ZBTB48: variants seen among roughly 807,000 people sequenced by gnomAD.
ZBTB48 encodes the protein zinc finger and BTB domain containing 48, also known as zinc finger and BTB domain-containing protein 48.
A neutral mutation model predicts 64.5 loss-of-function variants in ZBTB48; 35 were observed. The observed-to-expected ratio is 0.54, with a 90% CI of 0.41 to 0.72. ZBTB48 has a LOEUF of 0.72. ZBTB48 is among the 30% of genes least tolerant of loss of function. ZBTB48 has a pLI of 0.00. For missense variants in ZBTB48, 828 were observed against 895.3 expected (o/e 0.92, Z 0.96); for synonymous variants, 442 against 356.7 (o/e 1.24, Z -2.70).
At position 6,587,641 on chromosome 1, in the gene ZBTB48, C is replaced by T. The variant is rs767664991; in HGVS notation, c.1379+9C>T. 10 of 1,611,946 alleles carry T rather than the reference C, an allele frequency of 6.2e-6. No individual in the cohort carries two copies. Among genetic ancestry groups the T allele is most frequent in the Admixed American group, 1.7e-5 (1 of 60,004 alleles). On this transcript the variant is annotated intron_variant, in intron 7 of 10. Transcript: ENST00000377674. ...ATCAAGGCCAAGCACAGGTGCGTGT[C>T]GCCCGTTCTCTCTTGGGGCCCAGTC...
rs989812691 is a variant in ZBTB48 at position 6,583,627 on chromosome 1, G to C, written c.932+1328G>C. ...TATTTTTTTTTTTTTTTTTGAGACA[G>C]TCTCACTGTGTCGCCCAGGTTGGAG... On this transcript the variant is annotated intron_variant, in intron 3 of 10. Coordinates refer to ENST00000377674, the MANE Select transcript of ZBTB48 (RefSeq NM_005341.4). Among the ~76,000 whole-genome samples the C allele has an allele frequency of 5.6e-5, 8 of 141,848 alleles. No homozygotes were observed. The East Asian group carries it at 8.4e-4, about 15-fold the overall frequency. 93.1% of individuals were successfully genotyped at this position (141,848 alleles called of 152,430 possible). A position where few individuals can be genotyped will look rare whatever the true frequency, so the allele number is the denominator to read the frequency against.
chr1:6,587,819 A>G (rs1269465441), intron 7 of ZBTB48, among the ~76,000 whole-genome samples, 187 bp downstream of exon 7: 2 of 152,168 alleles, frequency 1.3e-5, no homozygotes, highest in Non-Finnish European at 2.9e-5. Flanking sequence ...CCAGGCAGAG[A>G]GGCTGGGGGC....
chr1:6,585,974 C>T lies in ZBTB48; in HGVS notation c.988C>T (p.Arg330Trp), dbSNP rs1314408904. Residue 330 changes from arginine (R) to tryptophan (W), a missense_variant, in exon 4 of 11, where the codon CGG becomes TGG. Coordinates refer to ENST00000377674, the MANE Select transcript of ZBTB48 (RefSeq NM_005341.4). ...TCCCAAATGTGGGAAGTGTTACTTTCGGAAGGAGAACCTCCTGGAGCATGA... is the reference window on the plus strand; with the variant it reads ...TCCCAAATGTGGGAAGTGTTACTTTTGGAAGGAGAACCTCCTGGAGCATGA... ...ECPKCGKCYF[R>W]KENLLEHEAR... The T allele has an allele frequency of 1.2e-5, 20 of 1,614,004 alleles. No homozygotes were observed. Among genetic ancestry groups the T allele is most frequent in the Non-Finnish European group, 1.6e-5 (19 of 1,179,982 alleles).
In ZBTB48 at chr1:6,580,627, C is replaced by T. The variant is rs569028932; in HGVS notation, c.18C>T (p.Val6=). 9.4e-5 allele frequency: 152 copies of T among 1,613,474 alleles called. No individual in the cohort carries two copies. In the East Asian group the frequency reaches 2.9e-3, roughly 31 times the overall value. Residue 6 remains valine, a synonymous_variant, in exon 2 of 11, where the codon GTC becomes GTT. Transcript: ENST00000377674. The surrounding 1 kb of genome is among the most constrained non-coding windows in gnomAD (Gnocchi z 5.2). MDGSF[V]QHSVRVLQEL... is the part of the protein sequence containing the mutation. ...TCCAGACCATGGACGGCTCCTTCGT[C>T]CAGCACAGTGTGAGGGTTCTGCAGG...
At position 6,580,901 on chromosome 1, in the gene ZBTB48, G is replaced by C. The variant is rs780694553; in HGVS notation, c.292G>C (p.Ala98Pro). Residue 98 changes from alanine (A) to proline (P), a missense_variant, in exon 2 of 11, where the codon GCA becomes CCA. Transcript: ENST00000377674. The surrounding 1 kb of genome is among the most constrained non-coding windows in gnomAD (Gnocchi z 5.2). ...AGGGAACCGGGATCAGGTGCTCCTG[G>C]CAGCCAGGGAGTTGCGAGTGCCAGA... ...TSGNRDQVLL[A>P]ARELRVPEAV... 6.2e-7 allele frequency: 1 copy of C among 1,614,116 alleles called. No homozygotes were observed. Among genetic ancestry groups the C allele is most frequent in the Non-Finnish European group, 8.5e-7 (1 of 1,180,050 alleles).
In ZBTB48 at chr1:6,586,803, T is replaced by C. The variant is rs1280387159; in HGVS notation, c.1137+16T>C. 3 of 1,606,604 alleles carry C rather than the reference T, an allele frequency of 1.9e-6. No individual in the cohort carries two copies. Among genetic ancestry groups the C allele is most frequent in the Admixed American group, 1.7e-5 (1 of 59,240 alleles). On this transcript the variant is annotated intron_variant, in intron 5 of 10. Coordinates refer to ENST00000377674, the MANE Select transcript of ZBTB48 (RefSeq NM_005341.4). The stretch of plus-strand genomic sequence containing the variant: ...GCCCTACAAGGTCAGGCTTGGCCTG[T>C]CTCCAGGGCCAGGGTTGGGTGGCCC...
Position 6,585,939 on chromosome 1 carries a change from C to A in ZBTB48, c.953C>A (p.Pro318His), listed in dbSNP as rs750292577. The A allele has an allele frequency of 6.2e-6, 10 of 1,614,094 alleles. No homozygotes were observed. Among genetic ancestry groups the A allele is most frequent in the Admixed American group, 3.3e-5 (2 of 60,016 alleles). Reference sequence around the variant, plus strand: ...GGCAGGAAACATACTGGGGAGAAACCCTTTGAGTGTCCCAAATGTGGGAAG... The same window carrying A: ...GGCAGGAAACATACTGGGGAGAAACACTTTGAGTGTCCCAAATGTGGGAAG... ...VHNRKHTGEKPFECPKCGKCY... is the reference protein window; with the variant it reads ...VHNRKHTGEKHFECPKCGKCY... The change falls in exon 4 of 11, where the codon CCC becomes CAC. Residue 318 changes from proline to histidine, a missense_variant. Coordinates refer to ENST00000377674, the MANE Select transcript of ZBTB48 (RefSeq NM_005341.4).
chr1:6,580,522 TTC>T lies in ZBTB48; in HGVS notation c.-69-11_-69-10del. ...ATTTGAGTAGAGGCCAACTTCCCGT[TTC>T]TCTCTCTTGACTCCAGGAGCTTTCT... On this transcript the variant is annotated splice_polypyrimidine_tract_variant and intron_variant, in intron 1 of 10. Transcript: ENST00000377674. The surrounding 1 kb of genome is among the most constrained non-coding windows in gnomAD (Gnocchi z 5.2). The T allele has an allele frequency of 1.4e-6, 2 of 1,400,826 alleles. No homozygotes were observed. Among genetic ancestry groups the T allele is most frequent in the Non-Finnish European group, 9.7e-7 (1 of 1,031,298 alleles). 86.8% of individuals were successfully genotyped at this position (1,400,826 alleles called of 1,614,324 possible). A position where few individuals can be genotyped will look rare whatever the true frequency, so the allele number is the denominator to read the frequency against.
chr1:6,581,192 C>G lies in ZBTB48; in HGVS notation c.583C>G (p.Gln195Glu), dbSNP rs376572824. 6.2e-7 allele frequency: 1 copy of G among 1,613,338 alleles called. No homozygotes were observed. The change falls in exon 2 of 11, where the codon CAG (glutamine) becomes GAG (glutamate). Residue 195 changes from glutamine (Q) to glutamate (E), a missense_variant. Transcript: ENST00000377674. ...CTCCTCCCTCTGTGGGAAACTGAAG[C>G]AGGCCTTGAAGCCTTGTCCCCTTGA... is the stretch of plus-strand genomic sequence containing the variant. ...GPSSLCGKLK[Q>E]ALKPCPLEDK...
chr1:6,586,604 TC>T, intron 4 of ZBTB48, 90 bp from the exon 5 acceptor site: 2 of 1,432,610 alleles, frequency 1.4e-6, no homozygotes, highest in Non-Finnish European at 1.8e-6. Context: ...GGCAGACTCT[TC>T]CCAGCAGCAA....
rs1557426935 is a variant in ZBTB48, at chr1:6,588,301, A to G, written c.1540A>G (p.Thr514Ala). The change falls in exon 9 of 11, where the codon ACC becomes GCC. Residue 514 changes from threonine to alanine, a missense_variant. Transcript: ENST00000377674. ...TQASLDKHNRTHTGERPFSCE... is the reference protein window; with the variant it reads ...TQASLDKHNRAHTGERPFSCE... ...AGCCAGCCTGGACAAGCACAACCGC[A>G]CCCACACCGGGGAAAGGCCCTTCAG... is the stretch of plus-strand genomic sequence containing the variant. The G allele has an allele frequency of 6.2e-7, 1 of 1,608,002 alleles. No homozygotes were observed. The highest frequency in any genetic ancestry group is 8.5e-7 in the Non-Finnish European group (1 of 1,175,498).
chr1:6,582,496 C>T (rs1640509037), intron 3 of ZBTB48, among the ~76,000 whole-genome samples, 197 bp downstream of exon 3: 1 of 152,190 alleles, frequency 6.6e-6, no homozygotes, highest in South Asian at 2.1e-4. Flanking sequence ...CCTTGCTGTC[C>T]TGTGAGTACT....
chr1:6,586,075 C>A (rs1640654861), intron 4 of ZBTB48, 45 bp downstream of exon 4: 1 of 1,589,532 alleles, frequency 6.3e-7, no homozygotes, highest in Non-Finnish European at 8.6e-7. Context: ...GGCACACTGG[C>A]CTCTCTGTCT....
chr1:6,583,904 T>C (rs372413581), intron 3 of ZBTB48, among the ~76,000 whole-genome samples: 10 of 150,800 alleles, frequency 6.6e-5, no homozygotes, highest in African/African-American at 2.4e-4. Flanking sequence ...CTCAGCCTCC[T>C]GAGTAGCTGG....
In ZBTB48 at chr1:6,586,116, T is replaced by C. The variant is rs1349173807; in HGVS notation, c.1044+86T>C. 3.8e-6 allele frequency: 5 copies of C among 1,331,182 alleles called. No individual in the cohort carries two copies. In the African/African-American group the frequency reaches 4.3e-5, roughly 12 times the overall value. 82.5% of individuals were successfully genotyped at this position (1,331,182 alleles called of 1,614,324 possible). The stretch of plus-strand genomic sequence containing the variant: ...CCATCCGGGAAGGGCCCCAGGAGAC[T>C]GTCTGAGAGGGGTACTGTAAACTCA... On this transcript the variant is annotated intron_variant, in intron 4 of 10. Transcript: ENST00000377674.
In ZBTB48 at chr1:6,588,343, C is replaced by T. The variant is rs149010795; in HGVS notation, c.1582C>T (p.Gln528Ter). ...ERPFSCEFCEQRFTEKGPLLR... is the reference protein window; with the variant it reads ...ERPFSCEFCE ...GCCCTTCAGTTGCGAGTTCTGTGAA[C>T]AGCGCTTCACTGAGAAGGGGCCCCT... The change falls in exon 9 of 11, where the codon CAG (glutamine) becomes TAG (stop). Residue 528 changes from glutamine to a stop codon, truncating the protein, a stop_gained. Transcript: ENST00000377674. LOFTEE classifies it high-confidence loss of function. The T allele has an allele frequency of 6.2e-7, 1 of 1,606,666 alleles. No individual in the cohort carries two copies. Among genetic ancestry groups the T allele is most frequent in the Non-Finnish European group, 8.5e-7 (1 of 1,174,488 alleles).
intron 3 of ZBTB48, among the ~76,000 whole-genome samples, chr1:6,583,366 G>A (rs531705040): frequency 6.7e-6 from 1 of 148,342 alleles, no homozygotes; most frequent in Non-Finnish European, 1.5e-5. Context: ...AGTGGCATGA[G>A]ATCGGCTCAC....
In ZBTB48 at chr1:6,582,310, T is replaced by C. The variant is rs1197342784; in HGVS notation, c.932+11T>C. ...AAAAGTCCACAACAGGTAAACGTTCTGTTTTTCTATTTTCTTTTCCTGTCT... is the reference window on the plus strand; with the variant it reads ...AAAAGTCCACAACAGGTAAACGTTCCGTTTTTCTATTTTCTTTTCCTGTCT... On this transcript the variant is annotated intron_variant, in intron 3 of 10. Coordinates refer to ENST00000377674, the MANE Select transcript of ZBTB48 (RefSeq NM_005341.4). The C allele has an allele frequency of 6.2e-7, 1 of 1,601,524 alleles. No individual in the cohort carries two copies. The highest frequency in any genetic ancestry group is 8.5e-7 in the Non-Finnish European group (1 of 1,169,950).
Position 6,588,352 on chromosome 1 carries a change from A to T in ZBTB48, c.1591A>T (p.Thr531Ser), listed in dbSNP as rs61733459. Reference protein sequence around the residue: ...FSCEFCEQRFTEKGPLLRHVA... With the variant: ...FSCEFCEQRFSEKGPLLRHVA... The stretch of plus-strand genomic sequence containing the variant: ...TTGCGAGTTCTGTGAACAGCGCTTC[A>T]CTGAGAAGGGGCCCCTCCTGAGGCA... Residue 531 changes from threonine (T) to serine (S), a missense_variant, in exon 9 of 11, where the codon ACT becomes TCT. Transcript: ENST00000377674. The T allele has an allele frequency of 1.2e-6, 2 of 1,605,694 alleles. No individual in the cohort carries two copies. Among genetic ancestry groups the T allele is most frequent in the Admixed American group, 1.7e-5 (1 of 59,814 alleles).
Sources: allele counts gnomAD v4.1 joint callset (sites outside exome capture counted in the v4.1 genomes callset), GRCh38; gene constraint gnomAD v4.1.1; non-coding constraint Gnocchi (gnomAD v3.1); transcripts MANE v1.5; gene names NCBI Gene and HGNC (gene_info 2026-07-23, HGNC 2026-07-21).